The following ANKRD45 variants were observed in gnomAD, a reference collection of about 807,000 sequenced individuals.
The protein encoded by ANKRD45 is ankyrin repeat domain-containing protein 45.
ANKRD45 carries 21 observed loss-of-function variants against 28.1 expected under a neutral mutation model. The observed-to-expected ratio is 0.75, with a 90% CI of 0.53 to 1.08. The LOEUF is 1.08. ANKRD45 is among the 50% of genes least tolerant of loss of function. The pLI, the probability that ANKRD45 is intolerant of heterozygous loss-of-function variation, is 0.00. For synonymous variants in ANKRD45, 86 were observed against 103.9 expected, an observed-to-expected ratio of 0.83 and a Z score of 1.05; for missense variants, 261 against 308.7, an observed-to-expected ratio of 0.85 and a Z score of 1.16.
At chr1:173,712,403 A>G in the ANKRD45 span, among the ~76,000 whole-genome samples, 1 of 152,236 alleles carries the variant, frequency 6.6e-6, no homozygotes, top group Non-Finnish European at 1.5e-5. Context: ...GGCAACTTAC[A>G]TAACATCTTG....
intron 3 of ANKRD45, 95 bp from the exon 4 acceptor site, chr1:173,627,254 A>C (rs948087571): frequency 7.9e-6 from 6 of 759,302 alleles, no homozygotes; most frequent in Non-Finnish European, 1.3e-5. Context: ...ACCCCACCCC[A>C]CAGAAACACC....
chr1:173,688,109 G>A, the ANKRD45 span, among the ~76,000 whole-genome samples: 2 of 151,990 alleles, frequency 1.3e-5, no homozygotes, highest in Non-Finnish European at 2.9e-5. Flanking sequence ...TTTTTGATAG[G>A]AAGGGTACGG....
intron 1 of ANKRD45, among the ~76,000 whole-genome samples, chr1:173,659,998 G>A (rs533210271): frequency 6.6e-6 from 1 of 152,272 alleles, no homozygotes; most frequent in Admixed American, 6.5e-5. Context: ...AATAAAAGGT[G>A]ACAAGTAGTA....
At chr1:173,617,452 G>T (rs1021340886) in intron 5 of ANKRD45, among the ~76,000 whole-genome samples, 2 of 152,224 alleles carry the variant, frequency 1.3e-5, no homozygotes, top group African/African-American at 4.8e-5. Context: ...CAGCTCTGGG[G>T]AGTTCAAGAA....
At chr1:173,654,051 CTT>C (rs990888383) in intron 2 of ANKRD45, among the ~76,000 whole-genome samples, 4 of 151,098 alleles carry the variant, frequency 2.6e-5, no homozygotes, top group African/African-American at 9.7e-5. Context: ...GGTCTTGACT[CTT>C]TATCCAATTT....
chr1:173,672,795 C>A (rs997599449), upstream of ANKRD45, among the ~76,000 whole-genome samples: 1 of 152,114 alleles, frequency 6.6e-6, no homozygotes, highest in African/African-American at 2.4e-5. Flanking sequence ...TTAGCCACAC[C>A]CCCTGCAAGC....
chr1:173,664,039 C>T lies in ANKRD45; in HGVS notation c.-15-4606G>A, dbSNP rs77197563. On this transcript the variant is annotated intron_variant, in intron 1 of 5. Coordinates refer to ENST00000333279, the MANE Select transcript of ANKRD45 (RefSeq NM_198493.3). ...TTTTTTTAAAGCTGGGTGCCACCTA[C>T]TAAACTGACTGTATGACCCACTAAA... 8.5e-3 allele frequency among the ~76,000 whole-genome samples: 1,292 copies of T among 152,158 alleles called. 18 individuals are homozygous for T. The highest frequency in any genetic ancestry group is 0.029 in the African/African-American group (1,210 of 41,516).
At chr1:173,627,249 AC>A in intron 3 of ANKRD45, 90 bp from the exon 4 acceptor site, 1 of 797,380 alleles carries the variant, frequency 1.3e-6, no homozygotes, top group Non-Finnish European at 2.1e-6. Flanking sequence ...TGTCCACCCC[AC>A]CCCACAGAAA....
intron 5 of ANKRD45, among the ~76,000 whole-genome samples, chr1:173,613,499 G>A (rs1667295936): frequency 6.6e-6 from 1 of 150,514 alleles, no homozygotes; most frequent in South Asian, 2.1e-4. Context: ...CCGTCCGGGA[G>A]GGAGGTGGGG....
intron 3 of ANKRD45, among the ~76,000 whole-genome samples, chr1:173,644,822 G>A (rs146322100): frequency 6.6e-5 from 10 of 151,974 alleles, no homozygotes; most frequent in African/African-American, 2.2e-4. Flanking sequence ...GTGAAACCCT[G>A]TCTCTACTTA....
At chr1:173,631,393 A>G (rs1003011376) in intron 3 of ANKRD45, among the ~76,000 whole-genome samples, 1 of 152,142 alleles carries the variant, frequency 6.6e-6, no homozygotes, top group South Asian at 2.1e-4. Context: ...TCAACACCCC[A>G]CTTTCAGCAT....
chr1:173,619,750 C>G (rs995975904), intron 5 of ANKRD45, among the ~76,000 whole-genome samples: 1 of 151,824 alleles, frequency 6.6e-6, no homozygotes, highest in Non-Finnish European at 1.5e-5. Context: ...ATCGCTTGAA[C>G]CCAGGAGACG....
At chr1:173,643,409 G>A (rs1169753676) in intron 3 of ANKRD45, among the ~76,000 whole-genome samples, 1 of 151,954 alleles carries the variant, frequency 6.6e-6, no homozygotes. Context: ...CTGACCTCAT[G>A]ATCCACCTGC....
intron 4 of ANKRD45, 73 bp from the exon 5 acceptor site, chr1:173,624,998 A>G (rs1233019349): frequency 2.0e-6 from 3 of 1,472,882 alleles, no homozygotes; most frequent in East Asian, 4.6e-5. Context: ...TCTCTAAACC[A>G]GCACGTCCAA....
chr1:173,665,748 C>A (rs1251467006), intron 1 of ANKRD45, among the ~76,000 whole-genome samples: 5 of 152,066 alleles, frequency 3.3e-5, no homozygotes. Flanking sequence ...GTGGCTCACA[C>A]CTGTAATCCC....
the ANKRD45 span, among the ~76,000 whole-genome samples, chr1:173,697,280 G>T: frequency 5.3e-5 from 8 of 152,118 alleles, no homozygotes; most frequent in Non-Finnish European, 1.2e-4. Context: ...ACCTAGCAAG[G>T]CAGGCCAACA....
chr1:173,682,684 T>TACGCGCACACACACACACACAC, the ANKRD45 span, among the ~76,000 whole-genome samples: 1 of 143,940 alleles, frequency 6.9e-6, no homozygotes, highest in Non-Finnish European at 1.5e-5. Context: ...GCCTTTTAAA[T>TACGCGCACACACACACACACAC]ACACACACAC....
rs1247931031 is a variant in ANKRD45 at position 173,609,947 on chromosome 1, G to A, written c.*198C>T. The A allele has an allele frequency of 3.4e-6, 2 of 581,220 alleles. No individual in the cohort carries two copies. The highest frequency in any genetic ancestry group is 6.1e-6 in the Non-Finnish European group (2 of 328,596). 36.0% of individuals were successfully genotyped at this position (581,220 alleles called of 1,614,324 possible). A position where few individuals can be genotyped will look rare whatever the true frequency, so the allele number is the denominator to read the frequency against. On this transcript the variant is annotated 3_prime_UTR_variant, in exon 6 of 6. Transcript: ENST00000333279. ...TGAAGGAGCACGTGAAACTCACATG[G>A]GGCTGTGCTTGGAGGAGCAGAGGCG...
the ANKRD45 span, among the ~76,000 whole-genome samples, chr1:173,686,144 G>A: frequency 1.3e-5 from 2 of 152,126 alleles, no homozygotes; most frequent in Non-Finnish European, 2.9e-5. Context: ...AGGGACAGAG[G>A]TACTTTTCTG....
Sources: allele counts gnomAD v4.1 joint callset (sites outside exome capture counted in the v4.1 genomes callset), GRCh38; gene constraint gnomAD v4.1.1; transcripts MANE v1.5; gene names NCBI Gene and HGNC (gene_info 2026-07-23, HGNC 2026-07-21).